RBFOX2: variants seen among roughly 807,000 people sequenced by gnomAD.
RBFOX2 encodes RNA binding fox-1 homolog 2.
RBFOX2 carries 10 observed loss-of-function variants against 49.1 expected under a neutral mutation model. That is an observed-to-expected ratio of 0.20 (90% CI 0.13 to 0.35). The LOEUF (loss-of-function observed/expected upper bound fraction) is 0.35, where lower values mean the gene tolerates loss of function less well. Ranked by LOEUF, RBFOX2 falls within the 10% of genes least tolerant of loss-of-function variation. The pLI is 1.00. For synonymous variants in RBFOX2, 183 were observed against 187.4 expected (o/e 0.98, Z 0.19); for missense variants, 323 against 486.9 (o/e 0.66, Z 3.17).
chr22:35,790,459 A>G (rs1947373079), intron 2 of RBFOX2, among the ~76,000 whole-genome samples: 1 of 152,214 alleles, frequency 6.6e-6, no homozygotes. Context: ...AGGATTATTA[A>G]AATATTTGTG....
chr22:35,742,898 C>G (rs980421396), exon 12 of RBFOX2: 1 of 152,802 alleles, frequency 6.5e-6, no homozygotes, highest in African/African-American at 2.4e-5. Flanking sequence ...GGGTGCTCAG[C>G]GGGGTGTTTT....
chr22:35,995,091 TAGAAAG>T (rs1190993851), intron 1 of RBFOX2: 1 of 152,230 alleles, frequency 6.6e-6, no homozygotes, highest in African/African-American at 2.4e-5. Flanking sequence ...TGCTTACTGT[TAGAAAG>T]AGGAACAACT....
rs919935116 is a variant in RBFOX2, at chr22:35,836,510, T to A, written c.27+3682A>T. Reference sequence around the variant, plus strand: ...CAAAAGAATACACTCCAGAGCGGCCTGCTGCCACATGGACTCACTGCACTA... The same window carrying A: ...CAAAAGAATACACTCCAGAGCGGCCAGCTGCCACATGGACTCACTGCACTA... On this transcript the variant is annotated intron_variant, in intron 1 of 11. Transcript: ENST00000405409. The A allele has an allele frequency of 1.3e-5, 2 of 152,274 alleles. 1 individual carries two copies. Among genetic ancestry groups the A allele is most frequent in the East Asian group, 3.9e-4 (2 of 5,194 alleles). 9.4% of individuals were successfully genotyped at this position (152,274 alleles called of 1,614,324 possible).
rs187854536 is a variant in RBFOX2, at chr22:35,898,400, G to A, written c.-34+40447C>T. The stretch of plus-strand genomic sequence containing the variant: ...GACAACCCGGGATTGTGCAGCGGCC[G>A]CCATCTTCTCCCACAATCCTTTTTT... On this transcript the variant is annotated intron_variant, in intron 1 of 13. Transcript: ENST00000359369. 4.2e-4 allele frequency: 196 copies of A among 471,538 alleles called. 2 individuals carry two copies. The East Asian group carries it at 6.1e-3, about 15-fold the overall frequency. 29.2% of individuals were successfully genotyped at this position (471,538 alleles called of 1,614,324 possible). A position where few individuals can be genotyped will look rare whatever the true frequency, so the allele number is the denominator to read the frequency against.
intron 1 of RBFOX2, among the ~76,000 whole-genome samples, chr22:36,014,759 C>T (rs976850404): frequency 1.3e-5 from 2 of 152,150 alleles, no homozygotes; most frequent in Non-Finnish European, 1.5e-5. Context: ...AAGAAAATTG[C>T]GCATGCACAC....
chr22:35,782,939 C>A (rs1194104571), intron 2 of RBFOX2, among the ~76,000 whole-genome samples: 2 of 152,110 alleles, frequency 1.3e-5, no homozygotes. Flanking sequence ...CACACATGCA[C>A]ACAAGAATCA....
intron 1 of RBFOX2, among the ~76,000 whole-genome samples, chr22:36,003,096 C>G (rs1433621227): frequency 2.0e-5 from 3 of 152,240 alleles, no homozygotes; most frequent in Non-Finnish European, 4.4e-5. Flanking sequence ...TGTCTTCTGA[C>G]CAGCTTATCA....
chr22:35,964,762 T>C (rs1603459288), upstream of RBFOX2, among the ~76,000 whole-genome samples: 1 of 152,322 alleles, frequency 6.6e-6, no homozygotes, highest in East Asian at 1.9e-4. Context: ...AGGTCACGTG[T>C]CTGCTACCCA....
At chr22:35,791,268 C>G (rs759352323) in intron 2 of RBFOX2, among the ~76,000 whole-genome samples, 18 of 151,504 alleles carry the variant, frequency 1.2e-4, no homozygotes, top group Admixed American at 2.6e-4. Context: ...GCTTGTAATC[C>G]CAGCTACTTG....
intron 1 of RBFOX2, among the ~76,000 whole-genome samples, chr22:35,879,470 T>G (rs2045588071): frequency 6.6e-6 from 1 of 152,210 alleles, no homozygotes; most frequent in Non-Finnish European, 1.5e-5. Context: ...ATCAGGGACT[T>G]GAGCATCTGC....
At chr22:35,743,372 A>C (rs1243679442) in exon 12 of RBFOX2, 2 of 152,212 alleles carry the variant, frequency 1.3e-5, no homozygotes, top group South Asian at 2.1e-4. Context: ...CTGTGGTTCA[A>C]TTAAAGGAGA....
chr22:35,883,273 T>C (rs1265686245), intron 1 of RBFOX2, among the ~76,000 whole-genome samples: 2 of 152,208 alleles, frequency 1.3e-5, no homozygotes, highest in Non-Finnish European at 2.9e-5. Context: ...CAGTCCTAGC[T>C]ACAGTGGATT....
chr22:35,792,003 C>T (rs1322759900), intron 2 of RBFOX2, among the ~76,000 whole-genome samples: 1 of 152,126 alleles, frequency 6.6e-6, no homozygotes, highest in Non-Finnish European at 1.5e-5. Flanking sequence ...AATTACCATG[C>T]AATTCAAATA....
At chr22:35,917,091 C>G (rs1184494581) in intron 1 of RBFOX2, among the ~76,000 whole-genome samples, 7 of 152,158 alleles carry the variant, frequency 4.6e-5, no homozygotes, top group African/African-American at 1.7e-4. Context: ...GAATGGTAAA[C>G]AGCATGAGAA....
intron 1 of RBFOX2, among the ~76,000 whole-genome samples, chr22:35,816,059 A>T (rs1217776283): frequency 6.6e-6 from 1 of 152,194 alleles, no homozygotes; most frequent in African/African-American, 2.4e-5. Context: ...AAAATCATCT[A>T]GGATCCGTTT....
chr22:35,838,242 AAAAT>A (rs2148809987), intron 1 of RBFOX2, among the ~76,000 whole-genome samples: 1 of 151,018 alleles, frequency 6.6e-6, no homozygotes, highest in African/African-American at 2.5e-5. Flanking sequence ...TTTTTTTTAA[AAAAT>A]AAAGCAGTAT....
intron 1 of RBFOX2, among the ~76,000 whole-genome samples, chr22:35,911,482 T>C (rs1196062650): frequency 6.6e-6 from 1 of 152,142 alleles, no homozygotes; most frequent in African/African-American, 2.4e-5. Flanking sequence ...TTGCATCTTT[T>C]AAAAATCCAA....
At chr22:35,963,339 T>G (rs2056365532), upstream of RBFOX2, among the ~76,000 whole-genome samples, 1 of 152,180 alleles carries the variant, frequency 6.6e-6, no homozygotes, top group Non-Finnish European at 1.5e-5. Context: ...GTTTTCTTAT[T>G]TCGCTCCTTG....
At chr22:35,877,318 G>T (rs1183875895) in intron 1 of RBFOX2, among the ~76,000 whole-genome samples, 1 of 152,126 alleles carries the variant, frequency 6.6e-6, no homozygotes, top group Non-Finnish European at 1.5e-5. Context: ...GGAAAATGTG[G>T]ATATATAAAA....
Sources: gnomAD v4.1 joint callset for allele counts (sites outside exome capture counted in the v4.1 genomes callset) on GRCh38, gnomAD v4.1.1 for gene constraint, MANE v1.5 for transcripts, NCBI Gene and HGNC (gene_info 2026-07-23, HGNC 2026-07-21) for gene names.